Variants in IQGAP3 observed in about 807,000 individuals in gnomAD.
The protein encoded by IQGAP3 is ras GTPase-activating-like protein IQGAP3.
IQGAP3 carries 165 observed loss-of-function variants against 208.2 expected under a neutral mutation model. The observed-to-expected ratio is 0.79, with a 90% CI of 0.70 to 0.90. IQGAP3 has a LOEUF of 0.90. Ranked by LOEUF, IQGAP3 falls within the 40% of genes least tolerant of loss-of-function variation. IQGAP3 has a pLI of 0.00. For missense variants in IQGAP3, 1,811 were observed against 2,043.1 expected (o/e 0.89, Z 2.19); for synonymous variants, 703 against 803.6 (o/e 0.87, Z 2.12).
In IQGAP3 at chr1:156,544,214, A is replaced by C. The variant is rs774845693; in HGVS notation, c.2398T>G (p.Trp800Gly). Residue 800 changes from tryptophan to glycine, a missense_variant, in exon 21 of 38, where the codon TGG becomes GGG. Trp to Gly is a radical substitution (Grantham distance 184). Coordinates refer to ENST00000361170, the MANE Select transcript of IQGAP3 (RefSeq NM_178229.5). ...CTCCGAGCTGCCCACATCCGGGCCC[A>C]GGCCTGGATCTGGGAGAAGAAACAC... is the stretch of plus-strand genomic sequence containing the variant. ...NLDAIIKIQAWARMWAARRQY... is the reference protein window; with the variant it reads ...NLDAIIKIQAGARMWAARRQY... The C allele has an allele frequency of 1.2e-6, 2 of 1,613,984 alleles. No homozygotes were observed. Among genetic ancestry groups the C allele is most frequent in the African/African-American group, 1.3e-5 (1 of 74,934 alleles).
chr1:156,540,004 G>A lies in IQGAP3; in HGVS notation c.2740-14C>T. On this transcript the variant is annotated splice_polypyrimidine_tract_variant and intron_variant, in intron 23 of 37. Transcript: ENST00000361170. ...GGAGACCACTTCCTGCAGGGGTGGAGGAGCGGGTGATACAACTAGCCTAGG... is the reference window on the plus strand; with the variant it reads ...GGAGACCACTTCCTGCAGGGGTGGAAGAGCGGGTGATACAACTAGCCTAGG... 1.2e-6 allele frequency: 2 copies of A among 1,614,102 alleles called. No individual in the cohort carries two copies. Among genetic ancestry groups the A allele is most frequent in the Non-Finnish European group, 1.7e-6 (2 of 1,179,988 alleles).
At position 156,550,335 on chromosome 1, in the gene IQGAP3, C is replaced by G. The variant is rs200358652; in HGVS notation, c.1751G>C (p.Gly584Ala). Residue 584 changes from glycine (G) to alanine (A), a missense_variant, in exon 16 of 38, where the codon GGA becomes GCA. Transcript: ENST00000361170. ...GATCTCCTCAAGCCACAGCACAGCT[C>G]CAGGATCCCCTGTCACCTGGCAGAT... ...RQKAQVTGDP[G>A]AVLWLEEIRQ... 2.9e-5 allele frequency: 46 copies of G among 1,613,658 alleles called. No homozygotes were observed. The highest frequency in any genetic ancestry group is 3.4e-5 in the Non-Finnish European group (40 of 1,179,726).
intron 1 of IQGAP3, among the ~76,000 whole-genome samples, chr1:156,572,046 C>G (rs1014117906): frequency 1.3e-5 from 2 of 152,204 alleles, no homozygotes; most frequent in Non-Finnish European, 2.9e-5. Context: ...GCATCTCAAA[C>G]AAGCTTCCCG....
At position 156,551,809 on chromosome 1, in the gene IQGAP3, G is replaced by C. The variant is rs762469250; in HGVS notation, c.1630C>G (p.Leu544Val). The C allele has an allele frequency of 9.3e-6, 15 of 1,613,844 alleles. No individual in the cohort carries two copies. Among genetic ancestry groups the C allele is most frequent in the Non-Finnish European group, 1.3e-5 (15 of 1,179,954 alleles). Residue 544 changes from leucine to valine, a missense_variant, in exon 15 of 38, where the codon CTG (leucine) becomes GTG (valine). By Grantham distance (32) the Leu-to-Val change is conservative. Coordinates refer to ENST00000361170, the MANE Select transcript of IQGAP3 (RefSeq NM_178229.5). ...ALDKGSPEKT[L>V]SALLLPAAGL... ...GCTGCAGGAAGCAGTAGGGCAGACA[G>C]AGTCTTCTCAGGGCTGCCTTTGTCC...
In IQGAP3 at chr1:156,545,620, C is replaced by T. The variant is rs141035271; in HGVS notation, c.2305-1148G>A. On this transcript the variant is annotated intron_variant, in intron 19 of 37. Coordinates refer to ENST00000361170, the MANE Select transcript of IQGAP3 (RefSeq NM_178229.5). Reference sequence around the variant, plus strand: ...GCTCAAGTGATCCTCCTGCCTCAGCCTCCTAAGTAGCTGGAATCACAGGTG... The same window carrying T: ...GCTCAAGTGATCCTCCTGCCTCAGCTTCCTAAGTAGCTGGAATCACAGGTG... 5.4e-3 allele frequency among the ~76,000 whole-genome samples: 829 copies of T among 152,116 alleles called. 2 individuals carry two copies. Among genetic ancestry groups the T allele is most frequent in the African/African-American group, 0.019 (790 of 41,462 alleles).
chr1:156,556,532 C>CTA lies in IQGAP3; in HGVS notation c.1290_1290+1insTA (p.Glu431Ter). 6 of 1,614,042 alleles carry CTA rather than the reference C, an allele frequency of 3.7e-6. No individual in the cohort carries two copies. Among genetic ancestry groups the CTA allele is most frequent in the Non-Finnish European group, 5.1e-6 (6 of 1,179,972 alleles). On this transcript the variant is annotated frameshift_variant and splice_region_variant. Coordinates refer to ENST00000361170, the MANE Select transcript of IQGAP3 (RefSeq NM_178229.5). LOFTEE classifies it high-confidence loss of function. ...GCTAGACCCACATTTCTGGGGCTTA[C>CTA]CCCCTGCTGCTGCTGGAGCACTGCC...
At position 156,544,430 on chromosome 1, in the gene IQGAP3, A is replaced by C; in HGVS notation, c.2347T>G (p.Trp783Gly). Reference sequence around the variant, plus strand: ...AGGTTTGCTTTAAAATACTGCAACCACTCCAGGTAAATCTTCCGCTGCCTA... The same window carrying C: ...AGGTTTGCTTTAAAATACTGCAACCCCTCCAGGTAAATCTTCCGCTGCCTA... ...GYRQRKIYLE[W>G]LQYFKANLDA... The change falls in exon 20 of 38, where the codon TGG (tryptophan) becomes GGG (glycine). Residue 783 changes from tryptophan (W) to glycine (G), a missense_variant. Trp to Gly is a radical substitution (Grantham distance 184). Transcript: ENST00000361170. 1 of 1,613,888 alleles carries C rather than the reference A, an allele frequency of 6.2e-7. No individual in the cohort carries two copies. The highest frequency in any genetic ancestry group is 8.5e-7 in the Non-Finnish European group (1 of 1,179,946).
chr1:156,535,337 T>TC, intron 27 of IQGAP3, 90 bp from the exon 28 acceptor site: 1 of 881,930 alleles, frequency 1.1e-6, no homozygotes, highest in Non-Finnish European at 1.8e-6. Context: ...CTGTCTCTTC[T>TC]CCCCCAGGCT....
At chr1:156,528,678 G>T in intron 35 of IQGAP3, 68 bp from the exon 36 acceptor site, 2 of 1,362,312 alleles carry the variant, frequency 1.5e-6, no homozygotes, top group Non-Finnish European at 2.1e-6. Flanking sequence ...CTTGTTTTCT[G>T]TGGCTGGAAA....
Position 156,525,729 on chromosome 1 carries a change from C to CAAAAAAAAAAAAAAAAA in IQGAP3, c.*740_*756dup, listed in dbSNP as rs10611202. The CAAAAAAAAAAAAAAAAA allele has an allele frequency of 5.0e-5, 4 of 80,412 alleles. No homozygotes were observed. The highest frequency in any genetic ancestry group is 5.2e-5 in the African/African-American group (1 of 19,376). 5.0% of individuals were successfully genotyped at this position (80,412 alleles called of 1,614,324 possible). A position where few individuals can be genotyped will look rare whatever the true frequency, so the allele number is the denominator to read the frequency against. On this transcript the variant is annotated 3_prime_UTR_variant, in exon 38 of 38. Coordinates refer to ENST00000361170, the MANE Select transcript of IQGAP3 (RefSeq NM_178229.5). ...GGAAAATGAGAACTCTCTTTGAGCTCAAAAAAAAAAAAAAAAAAAAAAAAA... is the reference window on the plus strand; with the variant it reads ...GGAAAATGAGAACTCTCTTTGAGCTCAAAAAAAAAAAAAAAAAAAAAAAAAAAAAAAAAAAAAAAAAA...
At chr1:156,555,848 T>A (rs979678070) in intron 12 of IQGAP3, among the ~76,000 whole-genome samples, 6 of 152,222 alleles carry the variant, frequency 3.9e-5, no homozygotes, top group Non-Finnish European at 8.8e-5. Context: ...TAGTACTTAT[T>A]TTATGCTTCC....
In IQGAP3 at chr1:156,526,328, A is replaced by C; in HGVS notation, c.*158T>G. 3.2e-6 allele frequency: 2 copies of C among 620,498 alleles called. No homozygotes were observed. The highest frequency in any genetic ancestry group is 5.8e-6 in the Non-Finnish European group (2 of 345,576). 38.4% of individuals were successfully genotyped at this position (620,498 alleles called of 1,614,324 possible). The stretch of plus-strand genomic sequence containing the variant: ...ATTAGAAGATACACTGTCTGTGGCC[A>C]GGCAGGCAAGCTCCTCCCAGCTGGG... On this transcript the variant is annotated 3_prime_UTR_variant, in exon 38 of 38. Transcript: ENST00000361170.
At position 156,548,134 on chromosome 1, in the gene IQGAP3, T is replaced by C. The variant is rs1675353574; in HGVS notation, c.2243A>G (p.Gln748Arg). The change falls in exon 19 of 38, where the codon CAG becomes CGG. Residue 748 changes from glutamine (Q) to arginine (R), a missense_variant. Coordinates refer to ENST00000361170, the MANE Select transcript of IQGAP3 (RefSeq NM_178229.5). ...QARLRGFLVR[Q>R]KFAEHSHFLR... Reference sequence around the variant, plus strand: ...AAAGTGGGAATGCTCAGCAAACTTCTGCCGAACTAGGAAGCCACGGAGGCG... The same window carrying C: ...AAAGTGGGAATGCTCAGCAAACTTCCGCCGAACTAGGAAGCCACGGAGGCG... The C allele has an allele frequency of 2.5e-6, 4 of 1,613,926 alleles. No homozygotes were observed. Among genetic ancestry groups the C allele is most frequent in the Non-Finnish European group, 3.4e-6 (4 of 1,179,916 alleles).
chr1:156,559,457 T>C (rs1676047389), intron 11 of IQGAP3, among the ~76,000 whole-genome samples: 1 of 152,178 alleles, frequency 6.6e-6, no homozygotes, highest in South Asian at 2.1e-4. Flanking sequence ...GAGAGCACAA[T>C]CTACTGGGAA....
chr1:156,543,924 G>T lies in IQGAP3; in HGVS notation c.2530+57C>A, dbSNP rs1675104522. ...CGCAGAAGGATGTCTAGACCTGCCT[G>T]GCTCTGTGGGGTCCTCTCCCTCCCA... On this transcript the variant is annotated intron_variant, in intron 22 of 37. Transcript: ENST00000361170. The T allele has an allele frequency of 8.8e-6, 13 of 1,470,752 alleles. 1 individual carries two copies. The South Asian group carries it at 1.4e-4, about 15-fold the overall frequency. 91.1% of individuals were successfully genotyped at this position (1,470,752 alleles called of 1,614,324 possible).
At chr1:156,540,954 C>A (rs762338127) in intron 22 of IQGAP3, 38 bp from the exon 23 acceptor site, 1 of 1,561,520 alleles carries the variant, frequency 6.4e-7, no homozygotes, top group Non-Finnish European at 8.8e-7. Flanking sequence ...TTAGCCATGC[C>A]TCATCAGAGG....
chr1:156,566,238 C>A, intron 3 of IQGAP3, 134 bp from the exon 4 acceptor site: 1 of 1,207,906 alleles, frequency 8.3e-7, no homozygotes. Flanking sequence ...GTGGATTTTC[C>A]ATCCCTACCA....
chr1:156,554,429 G>T (rs6694580), intron 12 of IQGAP3, 37 bp from the exon 13 acceptor site: 504,312 of 1,561,190 alleles, frequency 0.32, 85,955 homozygotes, highest in East Asian at 0.53. Flanking sequence ...CAAGTGGGCA[G>T]GTGAAGGGTC....
Position 156,534,113 on chromosome 1 carries a change from G to A in IQGAP3, c.3769C>T (p.Pro1257Ser). ...RKFIHRACQVPEPEERFAVDE... is the reference protein window; with the variant it reads ...RKFIHRACQVSEPEERFAVDE... ...ACTGCAAAACGCTCCTCTGGCTCTG[G>A]CACCTGGCAGGCTCTATGGATGAAC... The change falls in exon 30 of 38, where the codon CCA (proline) becomes TCA (serine). Residue 1257 changes from proline to serine, a missense_variant. Physicochemically the swap from Pro to Ser is moderately conservative, Grantham distance 74. Transcript: ENST00000361170. 6.2e-7 allele frequency: 1 copy of A among 1,613,898 alleles called. No individual in the cohort carries two copies. Among genetic ancestry groups the A allele is most frequent in the Non-Finnish European group, 8.5e-7 (1 of 1,180,018 alleles).
Sources: gnomAD v4.1 joint callset for allele counts (sites outside exome capture counted in the v4.1 genomes callset) on GRCh38, gnomAD v4.1.1 for gene constraint, MANE v1.5 for transcripts, NCBI Gene and HGNC (gene_info 2026-07-23, HGNC 2026-07-21) for gene names.